The following PDE4D variants were observed in gnomAD, a reference collection of about 807,000 sequenced individuals.
PDE4D encodes the protein phosphodiesterase 4D, also known as 3',5'-cyclic-AMP phosphodiesterase 4D.
Under a neutral mutation model 87.4 loss-of-function variants are expected in PDE4D, and 24 were observed. The observed-to-expected ratio is 0.27, with a 90% CI of 0.20 to 0.39. The LOEUF (loss-of-function observed/expected upper bound fraction) is 0.39. PDE4D is among the 10% of genes least tolerant of loss of function. The probability of loss-of-function intolerance (pLI) is 1.00; values close to 1 mark genes in which losing one functional copy is unlikely to be tolerated. For synonymous variants in PDE4D, 384 were observed against 383.2 expected (o/e 1.00, Z -0.02); for missense variants, 714 against 1,041.0 (o/e 0.69, Z 4.32).
intron 1 of PDE4D, among the ~76,000 whole-genome samples, chr5:60,462,568 C>CGGT (rs908428263): frequency 6.6e-6 from 1 of 152,172 alleles, no homozygotes; most frequent in African/African-American, 2.4e-5. Context: ...CCTATCCTCA[C>CGGT]GGTGACCACA....
intron 1 of PDE4D, among the ~76,000 whole-genome samples, chr5:60,186,560 G>C (rs1784797775): frequency 6.6e-6 from 1 of 152,256 alleles, no homozygotes; most frequent in Non-Finnish European, 1.5e-5. Flanking sequence ...AGAACTTACT[G>C]TAAGGGAAAG....
At chr5:60,103,762 A>G (rs1264547480) in intron 2 of PDE4D, among the ~76,000 whole-genome samples, 2 of 152,236 alleles carry the variant, frequency 1.3e-5, no homozygotes, top group African/African-American at 2.4e-5. Flanking sequence ...ATTAAAAGAA[A>G]AAATGGTTTA....
intron 5 of PDE4D, among the ~76,000 whole-genome samples, chr5:59,046,444 ATGTG>A (rs913208493): frequency 1.6e-5 from 2 of 125,644 alleles, no homozygotes; most frequent in Non-Finnish European, 3.3e-5. Flanking sequence ...GTGTGTGTGT[ATGTG>A]TGTGTAAGAG....
At chr5:59,626,004 CAT>C (rs1300868440) in intron 1 of PDE4D, among the ~76,000 whole-genome samples, 1 of 152,214 alleles carries the variant, frequency 6.6e-6, no homozygotes, top group Non-Finnish European at 1.5e-5. Context: ...AGGAGAATGG[CAT>C]GAACCCAGGA....
chr5:59,690,638 C>T (rs1750749319), intron 1 of PDE4D, among the ~76,000 whole-genome samples: 1 of 152,116 alleles, frequency 6.6e-6, no homozygotes, highest in African/African-American at 2.4e-5. Flanking sequence ...CTAGGCAATA[C>T]CATTCAGGAC....
intron 5 of PDE4D, among the ~76,000 whole-genome samples, chr5:59,086,139 T>A (rs1396058582): frequency 6.6e-6 from 1 of 152,194 alleles, no homozygotes; most frequent in African/African-American, 2.4e-5. Flanking sequence ...AAGGGTCACA[T>A]AGCTAAAAGT....
intron 1 of PDE4D, among the ~76,000 whole-genome samples, chr5:59,449,272 T>C (rs1206628102): frequency 2.6e-5 from 4 of 152,178 alleles, no homozygotes; most frequent in African/African-American, 9.7e-5. Flanking sequence ...CTTTTACTAC[T>C]TGAGACAGCA....
chr5:59,183,895 A>C (rs919407634), intron 4 of PDE4D, among the ~76,000 whole-genome samples: 2 of 152,132 alleles, frequency 1.3e-5, no homozygotes, highest in African/African-American at 4.8e-5. Context: ...ATTCCTACTC[A>C]CTGGGAACTG....
intron 5 of PDE4D, among the ~76,000 whole-genome samples, chr5:59,127,698 G>T (rs1328417905): frequency 1.3e-5 from 2 of 150,600 alleles, no homozygotes; most frequent in Admixed American, 6.7e-5. Flanking sequence ...CAAGAGCTGG[G>T]GTGCCATTCT....
At chr5:59,856,654 A>G (rs934358234) in intron 1 of PDE4D, among the ~76,000 whole-genome samples, 4 of 152,186 alleles carry the variant, frequency 2.6e-5, no homozygotes, top group African/African-American at 9.6e-5. Context: ...AATGTGTCAA[A>G]GAAAGAAAAT....
chr5:60,247,150 C>A (rs1201191950), intron 1 of PDE4D, among the ~76,000 whole-genome samples: 1 of 151,926 alleles, frequency 6.6e-6, no homozygotes, highest in Non-Finnish European at 1.5e-5. Flanking sequence ...GATCTCTGTT[C>A]CAACCCACAG....
At chr5:59,001,011 G>C (rs927824345) in intron 6 of PDE4D, among the ~76,000 whole-genome samples, 4 of 152,048 alleles carry the variant, frequency 2.6e-5, no homozygotes, top group Non-Finnish European at 5.9e-5. Context: ...TTTAATAACT[G>C]TACACAAAGT....
chr5:59,276,422 T>G (rs767839204), intron 1 of PDE4D, among the ~76,000 whole-genome samples: 2 of 152,120 alleles, frequency 1.3e-5, no homozygotes, highest in Non-Finnish European at 2.9e-5. Context: ...AAAAAAGTAT[T>G]TCACTGAAGC....
chr5:60,500,636 G>A (rs900103593), intron 1 of PDE4D, among the ~76,000 whole-genome samples: 3 of 152,270 alleles, frequency 2.0e-5, no homozygotes, highest in African/African-American at 7.2e-5. Context: ...AGGACTAAGC[G>A]GGGACTTTGT....
At chr5:60,266,396 C>T (rs1033557625) in intron 1 of PDE4D, among the ~76,000 whole-genome samples, 33 of 152,178 alleles carry the variant, frequency 2.2e-4, no homozygotes, top group African/African-American at 8.0e-4. Flanking sequence ...GTCTGGCAAT[C>T]TAAAATTTTT....
chr5:60,343,257 G>A (rs924879498), intron 1 of PDE4D, among the ~76,000 whole-genome samples: 5 of 152,070 alleles, frequency 3.3e-5, no homozygotes, highest in African/African-American at 9.7e-5. Flanking sequence ...TGTAATCAAC[G>A]CAGGGTAGAT....
chr5:60,227,932 C>T (rs1354344402), intron 1 of PDE4D, among the ~76,000 whole-genome samples: 1 of 151,996 alleles, frequency 6.6e-6, no homozygotes, highest in East Asian at 1.9e-4. Context: ...TCCCTAACTT[C>T]CTGCACTATA....
chr5:59,711,340 A>G (rs912700459), intron 1 of PDE4D, among the ~76,000 whole-genome samples: 1 of 152,072 alleles, frequency 6.6e-6, no homozygotes, highest in South Asian at 2.1e-4. Context: ...TGCAGTATTT[A>G]TCTTCTTTTA....
At chr5:60,492,983 CAT>C (rs1749613440), upstream of PDE4D, among the ~76,000 whole-genome samples, 1 of 151,934 alleles carries the variant, frequency 6.6e-6, no homozygotes, top group Non-Finnish European at 1.5e-5. Flanking sequence ...ACTAACATCA[CAT>C]ATTGCATTTC....
Sources: allele counts gnomAD v4.1 joint callset (sites outside exome capture counted in the v4.1 genomes callset), GRCh38; gene constraint gnomAD v4.1.1; transcripts MANE v1.5; gene names NCBI Gene and HGNC (gene_info 2026-07-23, HGNC 2026-07-21).